STPG2: variants seen among roughly 807,000 people sequenced by gnomAD.
STPG2 encodes sperm-tail PG-rich repeat-containing protein 2.
A neutral mutation model predicts 54.2 loss-of-function variants in STPG2; 56 were observed. The ratio of observed to expected loss-of-function variants is 1.03; its 90% CI spans 0.83 to 1.29. The LOEUF (loss-of-function observed/expected upper bound fraction) is 1.29. STPG2 is among the 50% of genes most tolerant of loss of function. STPG2 has a pLI of 0.00. For synonymous variants in STPG2, 200 were observed against 181.8 expected (o/e 1.10, Z -0.81); for missense variants, 596 against 544.9 (o/e 1.09, Z -0.93).
At chr4:98,128,329 A>C in intron 3 of STPG2, 99 bp downstream of exon 3, 1 of 1,143,562 alleles carries the variant, frequency 8.7e-7, no homozygotes, top group Non-Finnish European at 1.2e-6. Context: ...AAAACGTGTA[A>C]TCATTTTTTT....
Position 97,736,291 on chromosome 4 carries a change from G to A in STPG2, c.1205-23477C>T, listed in dbSNP as rs563059547. On this transcript the variant is annotated intron_variant, in intron 9 of 10. Coordinates refer to ENST00000295268, the MANE Select transcript of STPG2 (RefSeq NM_174952.3). ...TACCAGTGTGAGCGACGCAGAAGAT[G>A]GGTGATTTCTGCATTTCCATCTGAG... Among the ~76,000 whole-genome samples, 4 of 152,300 alleles carry A rather than the reference G, an allele frequency of 2.6e-5. No homozygotes were observed. The East Asian group carries it at 7.7e-4, about 29-fold the overall frequency.
chr4:97,798,076 C>CTTTTT (rs1727260365), intron 9 of STPG2, among the ~76,000 whole-genome samples: 2 of 151,872 alleles, frequency 1.3e-5, no homozygotes, highest in Admixed American at 6.6e-5. Flanking sequence ...ATTCTTCTCT[C>CTTTTT]TTCTTTATTA....
chr4:97,637,940 T>A (rs1048427647), intron 10 of STPG2, among the ~76,000 whole-genome samples: 1 of 151,900 alleles, frequency 6.6e-6, no homozygotes, highest in East Asian at 1.9e-4. Flanking sequence ...ACAGATTCAA[T>A]GCCATCCCCA....
chr4:97,546,460 T>A lies in STPG2; in HGVS notation c.462+166239A>T, dbSNP rs532325435. On this transcript the variant is annotated intron_variant, in intron 4 of 4. Transcript: ENST00000522676. ...AATGACAGAATAAGATTGGCAGACA[T>A]TGTTTAAAAATAATGACCTATAGTG... 5.9e-5 allele frequency among the ~76,000 whole-genome samples: 9 copies of A among 152,200 alleles called. No individual in the cohort carries two copies. In the East Asian group the frequency reaches 1.7e-3, roughly 29 times the overall value.
chr4:98,036,564 C>G (rs939759127), intron 5 of STPG2, among the ~76,000 whole-genome samples: 2 of 151,534 alleles, frequency 1.3e-5, no homozygotes, highest in Non-Finnish European at 2.9e-5. Context: ...GAACAGAAAA[C>G]CAAATACCAC....
intron 10 of STPG2, among the ~76,000 whole-genome samples, chr4:97,613,519 T>TATGC (rs1733784514): frequency 7.5e-6 from 1 of 133,962 alleles, no homozygotes; most frequent in Non-Finnish European, 1.7e-5. Context: ...TGTGTGTGTG[T>TATGC]ATGCACGTGC....
chr4:97,822,569 C>T (rs2149105793), intron 9 of STPG2, among the ~76,000 whole-genome samples: 1 of 152,274 alleles, frequency 6.6e-6, no homozygotes, highest in South Asian at 2.1e-4. Context: ...CTGGGTAATA[C>T]ATAAAAAGGC....
chr4:97,578,675 T>C (rs948715989), intron 10 of STPG2, among the ~76,000 whole-genome samples: 5 of 152,104 alleles, frequency 3.3e-5, no homozygotes, highest in African/African-American at 4.8e-5. Context: ...TGTTGAGTTT[T>C]TTCCCCTTTA....
intron 5 of STPG2, among the ~76,000 whole-genome samples, chr4:98,041,656 A>G (rs1275254156): frequency 6.6e-6 from 1 of 151,582 alleles, no homozygotes; most frequent in Admixed American, 6.6e-5. Context: ...TATATGTTGA[A>G]CCCTCCTTGC....
chr4:97,639,667 T>C (rs925232682), intron 10 of STPG2, among the ~76,000 whole-genome samples: 2 of 152,046 alleles, frequency 1.3e-5, no homozygotes, highest in African/African-American at 4.8e-5. Flanking sequence ...ATATTGAACA[T>C]TGCAAATTAT....
chr4:97,866,536 A>AG (rs397691825), intron 8 of STPG2, among the ~76,000 whole-genome samples: 2 of 151,050 alleles, frequency 1.3e-5, no homozygotes, highest in Non-Finnish European at 3.0e-5. Flanking sequence ...TTTGAAAAAA[A>AG]TCTGTTTTCT....
chr4:97,935,706 C>T (rs1371029289), intron 8 of STPG2, among the ~76,000 whole-genome samples: 3 of 152,114 alleles, frequency 2.0e-5, no homozygotes, highest in Admixed American at 1.3e-4. Context: ...GTTTCCTAAT[C>T]CTGAGTTCTA....
intron 8 of STPG2, among the ~76,000 whole-genome samples, chr4:97,933,595 T>A (rs1308703314): frequency 2.0e-5 from 3 of 152,236 alleles, no homozygotes; most frequent in Non-Finnish European, 4.4e-5. Context: ...TGGCCAGTTT[T>A]CCCAGCACCA....
chr4:98,044,059 T>C (rs1737043346), intron 5 of STPG2, among the ~76,000 whole-genome samples: 1 of 151,952 alleles, frequency 6.6e-6, no homozygotes, highest in Admixed American at 6.6e-5. Flanking sequence ...TTGCTAAGGA[T>C]AATGACCTCC....
At chr4:97,981,854 T>TATATA (rs1176311937) in intron 5 of STPG2, among the ~76,000 whole-genome samples, 1 of 147,554 alleles carries the variant, frequency 6.8e-6, no homozygotes, top group African/African-American at 2.5e-5. Flanking sequence ...TATATATATA[T>TATATA]AACTATAAAT....
chr4:97,867,237 C>G (rs1729825227), intron 8 of STPG2, among the ~76,000 whole-genome samples: 1 of 151,864 alleles, frequency 6.6e-6, no homozygotes, highest in Non-Finnish European at 1.5e-5. Context: ...TATAGATAAT[C>G]TCCTTTTCCT....
At chr4:97,503,036 C>T (rs1204546016) in intron 4 of STPG2, among the ~76,000 whole-genome samples, 1 of 151,912 alleles carries the variant, frequency 6.6e-6, no homozygotes, top group African/African-American at 2.4e-5. Context: ...TAAAGAGATA[C>T]TTCCTATATA....
chr4:97,711,276 T>C (rs1424047272), intron 10 of STPG2, among the ~76,000 whole-genome samples: 1 of 152,118 alleles, frequency 6.6e-6, no homozygotes, highest in Non-Finnish European at 1.5e-5. Flanking sequence ...TCAAGACCAA[T>C]ACCTTATTAA....
intron 1 of STPG2, among the ~76,000 whole-genome samples, chr4:98,137,752 G>T (rs1184581829): frequency 6.6e-6 from 1 of 151,496 alleles, no homozygotes; most frequent in East Asian, 1.9e-4. Flanking sequence ...AAATACACTA[G>T]CCATGTACTC....
Sources: allele counts gnomAD v4.1 joint callset (sites outside exome capture counted in the v4.1 genomes callset), GRCh38; gene constraint gnomAD v4.1.1; transcripts MANE v1.5; gene names NCBI Gene and HGNC (gene_info 2026-07-23, HGNC 2026-07-21).